The following FAM131B variants were observed in gnomAD, a reference collection of about 807,000 sequenced individuals.
FAM131B encodes protein FAM131B.
A neutral mutation model predicts 42.0 loss-of-function variants in FAM131B; 19 were observed. That is an observed-to-expected ratio of 0.45 (90% confidence interval 0.32 to 0.66). FAM131B has a LOEUF of 0.66. Ranked by LOEUF, FAM131B falls within the 30% of genes least tolerant of loss-of-function variation. The probability of loss-of-function intolerance (pLI) is 0.05; values close to 1 mark genes in which losing one functional copy is unlikely to be tolerated. For synonymous variants in FAM131B, 183 were observed against 177.6 expected (o/e 1.03, Z -0.24); for missense variants, 370 against 468.4 (o/e 0.79, Z 1.94).
the FAM131B span, among the ~76,000 whole-genome samples, chr7:143,373,066 A>T: frequency 6.6e-5 from 10 of 151,688 alleles, no homozygotes; most frequent in Admixed American, 6.6e-4. Context: ...TTACTCATTT[A>T]TTTTTTTTCT....
chr7:143,365,927 T>A (rs745518501), upstream of FAM131B, among the ~76,000 whole-genome samples: 1 of 152,088 alleles, frequency 6.6e-6, no homozygotes, highest in Non-Finnish European at 1.5e-5. Context: ...TTTTAATTTT[T>A]ATTTTTGTAG....
intron 5 of FAM131B, 47 bp from the exon 6 acceptor site, chr7:143,357,470 A>C (rs764063925): frequency 6.4e-7 from 1 of 1,568,940 alleles, no homozygotes; most frequent in Non-Finnish European, 8.7e-7. Flanking sequence ...GGGAATCCTT[A>C]GACATGTGCG....
At chr7:143,357,539 T>C (rs1803727402) in intron 5 of FAM131B, 116 bp from the exon 6 acceptor site, 5 of 742,450 alleles carry the variant, frequency 6.7e-6, no homozygotes, top group Non-Finnish European at 9.7e-6. Context: ...GCAAGCCACT[T>C]ATATCATTTT....
Position 143,362,578 on chromosome 7 carries a change from A to G in FAM131B, c.26T>C (p.Val9Ala). 1 of 1,220,680 alleles carries G rather than the reference A, an allele frequency of 8.2e-7. No homozygotes were observed. Among genetic ancestry groups the G allele is most frequent in the Non-Finnish European group, 1.0e-6 (1 of 980,794 alleles). The allele number at this position is 1,220,680 out of a possible 1,614,324, so 75.6% of individuals were successfully genotyped here. Residue 9 changes from valine (V) to alanine (A), a missense_variant and splice_region_variant, in exon 1 of 7, where the codon GTG becomes GCG. By Grantham distance (64) the Val-to-Ala change is moderately conservative. Coordinates refer to ENST00000443739, the MANE Select transcript of FAM131B (RefSeq NM_001031690.3). The surrounding 1 kb of genome is among the most constrained non-coding windows in gnomAD (Gnocchi z 7.7). MGCIGSRTVGNEVIAVDWK... is the reference protein window; with the variant it reads MGCIGSRTAGNEVIAVDWK... ...CCCCGCCCGGCCGCGGTACCCACCCACAGTCCGGGAGCCGATGCAGCCCAT... is the reference window on the plus strand; with the variant it reads ...CCCCGCCCGGCCGCGGTACCCACCCGCAGTCCGGGAGCCGATGCAGCCCAT...
chr7:143,357,113 GCA>G, intron 6 of FAM131B, 91 bp from the exon 7 acceptor site: 3 of 1,159,326 alleles, frequency 2.6e-6, no homozygotes, highest in African/African-American at 3.0e-5. Flanking sequence ...CTAAGAGACA[GCA>G]CAGAGAACTG....
the FAM131B span, chr7:143,380,973 GC>G: frequency 3.5e-6 from 1 of 284,716 alleles, no homozygotes; most frequent in Non-Finnish European, 5.3e-6. The surrounding 1 kb of genome is among the most constrained non-coding windows in gnomAD (Gnocchi z 5.0). Flanking sequence ...CGCCGGCTAA[GC>G]CCGGAGGGGG....
rs1803563300 is a variant in FAM131B, at chr7:143,354,413, G to A, written c.*2137C>T. On this transcript the variant is annotated 3_prime_UTR_variant, in exon 7 of 7. Coordinates refer to ENST00000443739, the MANE Select transcript of FAM131B (RefSeq NM_001031690.3). ...CTAGGTGAGCTGTCCACCGTGGTCT[G>A]GGGGTATGATATGGGCACTGAGAGG... 1 of 152,264 alleles carries A rather than the reference G, an allele frequency of 6.6e-6. No individual in the cohort carries two copies. The highest frequency in any genetic ancestry group is 1.5e-5 in the Non-Finnish European group (1 of 68,096). 9.4% of individuals were successfully genotyped at this position (152,264 alleles called of 1,614,324 possible).
Position 143,356,989 on chromosome 7 carries a change from G to A in FAM131B, c.644C>T (p.Pro215Leu). 6.2e-7 allele frequency: 1 copy of A among 1,613,868 alleles called. No individual in the cohort carries two copies. Among genetic ancestry groups the A allele is most frequent in the Non-Finnish European group, 8.5e-7 (1 of 1,179,950 alleles). ...ALAQAPMDGW[P>L]HSYVSQGMYC... is the part of the protein sequence containing the mutation. ...CATACCCTGGGACACGTAAGAGTGAGGCCATCCATCCATGGGTGCTTGAGC... is the reference window on the plus strand; with the variant it reads ...CATACCCTGGGACACGTAAGAGTGAAGCCATCCATCCATGGGTGCTTGAGC... The change falls in exon 7 of 7, where the codon CCT (proline) becomes CTT (leucine). Residue 215 changes from proline to leucine, a missense_variant. Transcript: ENST00000443739. The surrounding 1 kb of genome is among the most constrained non-coding windows in gnomAD (Gnocchi z 4.4).
Position 143,362,192 on chromosome 7 carries a change from C to T in FAM131B, c.28+384G>A. The stretch of plus-strand genomic sequence containing the variant: ...CGAGGGTCCTTCGCGGGGGGCTGCT[C>T]CGGAGTGGGGGATGCGAGGAGGCGC... On this transcript the variant is annotated intron_variant, in intron 1 of 6. Transcript: ENST00000443739. This position sits in a 1 kb window ranked among gnomAD's most constrained non-coding sequence, Gnocchi z 7.7. 1 of 188,264 alleles carries T rather than the reference C, an allele frequency of 5.3e-6. No homozygotes were observed. The highest frequency in any genetic ancestry group is 1.1e-5 in the Non-Finnish European group (1 of 93,718). 11.7% of individuals were successfully genotyped at this position (188,264 alleles called of 1,614,324 possible).
At chr7:143,370,310 C>T in the FAM131B span, among the ~76,000 whole-genome samples, 1 of 152,154 alleles carries the variant, frequency 6.6e-6, no homozygotes, top group Non-Finnish European at 1.5e-5. Context: ...CCTCAACTTA[C>T]CCAATCTGGC....
rs112603309 is a variant in FAM131B, at chr7:143,359,248, C to T, written c.268+78G>A. ...TGGGGATGAGGGTCTTCATCAACCT[C>T]GAAGGAGCAGGGAGACTGAGCCAAG... On this transcript the variant is annotated intron_variant, in intron 4 of 6. Transcript: ENST00000443739. This position sits in a 1 kb window ranked among gnomAD's most constrained non-coding sequence, Gnocchi z 5.4. 5 of 1,238,552 alleles carry T rather than the reference C, an allele frequency of 4.0e-6. No homozygotes were observed. Among genetic ancestry groups the T allele is most frequent in the African/African-American group, 2.9e-5 (2 of 68,158 alleles). The allele number at this position is 1,238,552 out of a possible 1,614,324, so 76.7% of individuals were successfully genotyped here.
chr7:143,361,519 G>C (rs1803978273), intron 1 of FAM131B: 2 of 151,844 alleles, frequency 1.3e-5, no homozygotes, highest in Non-Finnish European at 2.9e-5. Context: ...GGGAAATCAG[G>C]CTTCTGGAGA....
At chr7:143,380,495 C>A in the FAM131B span, 2 of 985,462 alleles carry the variant, frequency 2.0e-6, no homozygotes, top group Non-Finnish European at 2.4e-6. The surrounding 1 kb of genome is among the most constrained non-coding windows in gnomAD (Gnocchi z 5.0). Flanking sequence ...AGACGAGCAG[C>A]CCGCGTCCGC....
At chr7:143,381,482 T>A in the FAM131B span, 1 of 1,394,220 alleles carries the variant, frequency 7.2e-7, no homozygotes, top group Non-Finnish European at 9.4e-7. Flanking sequence ...CGAGTGGGGG[T>A]CACCAAGGGG....
the FAM131B span, among the ~76,000 whole-genome samples, chr7:143,379,135 A>G: frequency 1.3e-5 from 2 of 152,246 alleles, no homozygotes; most frequent in African/African-American, 2.4e-5. Context: ...GCACGCGCAC[A>G]TTACTTAAGG....
In FAM131B at chr7:143,356,324, C is replaced by A. The variant is rs1803650627; in HGVS notation, c.*226G>T. The A allele has an allele frequency of 9.1e-6, 5 of 547,710 alleles. No homozygotes were observed. Among genetic ancestry groups the A allele is most frequent in the Non-Finnish European group, 1.6e-5 (5 of 306,266 alleles). 33.9% of individuals were successfully genotyped at this position (547,710 alleles called of 1,614,324 possible). A position where few individuals can be genotyped will look rare whatever the true frequency, so the allele number is the denominator to read the frequency against. ...CTTCTCCACAGCCACACCAAGCTCA[C>A]GGCCATCTAGTTGCCCAGGTCTCAG... On this transcript the variant is annotated 3_prime_UTR_variant, in exon 7 of 7. Coordinates refer to ENST00000443739, the MANE Select transcript of FAM131B (RefSeq NM_001031690.3). The surrounding 1 kb of genome is among the most constrained non-coding windows in gnomAD (Gnocchi z 4.4).
the FAM131B span, chr7:143,381,157 G>A: frequency 2.0e-6 from 2 of 983,070 alleles, no homozygotes. Flanking sequence ...TCCGGCCTGA[G>A]GCAGGATCAG....
chr7:143,365,258 A>G (rs138534395), upstream of FAM131B, among the ~76,000 whole-genome samples: 1 of 152,216 alleles, frequency 6.6e-6, no homozygotes, highest in Non-Finnish European at 1.5e-5. Flanking sequence ...TTCCAGCAGC[A>G]GGGAAGACGG....
At chr7:143,361,928 A>G in intron 1 of FAM131B, 1 of 311,054 alleles carries the variant, frequency 3.2e-6, no homozygotes, top group Non-Finnish European at 4.4e-6. Flanking sequence ...CGCGTCCCCC[A>G]GCCCCTTCCC....
Sources: gnomAD v4.1 joint callset for allele counts (sites outside exome capture counted in the v4.1 genomes callset) on GRCh38, gnomAD v4.1.1 for gene constraint, Gnocchi (gnomAD v3.1) non-coding constraint, MANE v1.5 for transcripts, NCBI Gene and HGNC (gene_info 2026-07-23, HGNC 2026-07-21) for gene names.